The following LIPA variants were observed in gnomAD, a reference collection of about 807,000 sequenced individuals.
LIPA encodes lipase A, lysosomal acid type, also known as lysosomal acid lipase/cholesteryl ester hydrolase.
LIPA carries 26 observed loss-of-function variants against 40.6 expected under a neutral mutation model. That is an observed-to-expected ratio of 0.64 (90% CI 0.47 to 0.89). The LOEUF (loss-of-function observed/expected upper bound fraction) is 0.89, where lower values mean the gene tolerates loss of function less well. Among genes scored for constraint, LIPA ranks in the 40% least tolerant of loss-of-function variants. The pLI is 0.00. For synonymous variants in LIPA, 188 were observed against 168.4 expected (o/e 1.12, Z -0.90); for missense variants, 455 against 479.6 (o/e 0.95, Z 0.48).
rs2133489867 is a variant in LIPA, at chr10:89,266,508, T to C, written c.-1-18859A>G. On this transcript the variant is annotated intron_variant, in intron 1 of 5. Coordinates refer to the LIPA transcript ENST00000282673. ...TTACCTTCGGGCTATGTGTATAAGG[T>C]GTATATGAAACACATATGAATTTCA... 1.3e-5 allele frequency among the ~76,000 whole-genome samples: 2 copies of C among 152,330 alleles called. 1 individual carries two copies. Among genetic ancestry groups the C allele is most frequent in the South Asian group, 4.1e-4 (2 of 4,828 alleles).
intron 2 of LIPA, among the ~76,000 whole-genome samples, chr10:89,367,881 T>C (rs559640571): frequency 1.8e-4 from 27 of 152,198 alleles, no homozygotes; most frequent in Middle Eastern, 3.2e-3. Context: ...TGCAGTAGCA[T>C]GATCATAGCT....
rs1026540868 is a variant in LIPA, at chr10:89,402,673, G to A, written c.61+10118C>T. 1.7e-5 allele frequency: 27 copies of A among 1,614,052 alleles called. No individual in the cohort carries two copies. The highest frequency in any genetic ancestry group is 6.7e-5 in the Admixed American group (4 of 60,004). On this transcript the variant is annotated intron_variant, in intron 2 of 8. Transcript: ENST00000371837. ...TGCAAGAAGCTTTCAAATCCCTTCC[G>A]CTATAGAATGGAGTGTCCAGAAATA...
At chr10:89,225,878 C>T (rs2133430926) in intron 5 of LIPA, among the ~76,000 whole-genome samples, 1 of 152,160 alleles carries the variant, frequency 6.6e-6, no homozygotes, top group South Asian at 2.1e-4. Flanking sequence ...GGGGAAACTC[C>T]CTCACTTGGC....
At chr10:89,403,161 A>G (rs1484362092) in intron 2 of LIPA, 1 of 1,613,930 alleles carries the variant, frequency 6.2e-7, no homozygotes, top group East Asian at 2.2e-5. Context: ...GCTTTGCTAC[A>G]AGGCACAAAT....
intron 1 of LIPA, chr10:89,332,387 T>C: frequency 1.0e-6 from 1 of 982,122 alleles, no homozygotes; most frequent in Non-Finnish European, 1.4e-6. Context: ...TCCAAATCTG[T>C]CTGGAACATG....
chr10:89,215,089 C>G, intron 9 of LIPA, 28 bp from the exon 10 acceptor site: 1 of 1,498,436 alleles, frequency 6.7e-7, no homozygotes, highest in Non-Finnish European at 9.3e-7. Context: ...CAGAGAAAGC[C>G]TCGTTGTTGT....
upstream of LIPA, among the ~76,000 whole-genome samples, chr10:89,347,095 C>G (rs777284952): frequency 6.6e-6 from 1 of 152,224 alleles, no homozygotes; most frequent in Non-Finnish European, 1.5e-5. Context: ...AACATATGGT[C>G]ATACTCACAG....
intron 2 of LIPA, among the ~76,000 whole-genome samples, chr10:89,390,001 G>A (rs1844234600): frequency 1.1e-5 from 1 of 94,184 alleles, no homozygotes; most frequent in Non-Finnish European, 1.9e-5. Context: ...TTTTTTTTGA[G>A]ATGGAGTTTC....
intron 3 of LIPA, among the ~76,000 whole-genome samples, chr10:89,242,259 C>T (rs1006072201): frequency 6.6e-6 from 1 of 152,178 alleles, no homozygotes; most frequent in Non-Finnish European, 1.5e-5. Flanking sequence ...TGGTGGGAAA[C>T]AGCATGCACA....
intron 3 of LIPA, among the ~76,000 whole-genome samples, chr10:89,241,798 G>A (rs373805640): frequency 1.6e-4 from 24 of 152,188 alleles, no homozygotes; most frequent in African/African-American, 4.1e-4. Context: ...GCCACTCTTG[G>A]TGTGTGTATA....
intron 2 of LIPA, 37 bp downstream of exon 2, chr10:89,247,501 G>T (rs377199775): frequency 1.5e-5 from 19 of 1,227,694 alleles, no homozygotes; most frequent in Non-Finnish European, 2.2e-5. Context: ...CGGGGAAATA[G>T]ATGCATTTTA....
chr10:89,392,773 A>C, intron 2 of LIPA: 1 of 1,551,470 alleles, frequency 6.4e-7, no homozygotes, highest in Non-Finnish European at 8.9e-7. Context: ...AAAAATGGTA[A>C]TTAAATACTA....
upstream of LIPA, among the ~76,000 whole-genome samples, chr10:89,345,950 T>C (rs305371): frequency 0.63 from 95,518 of 152,034 alleles, 32,635 homozygotes; most frequent in East Asian, 0.94. Context: ...TACATGAATT[T>C]CACAAAAGAT....
At chr10:89,317,049 C>A (rs1251278401) in intron 1 of LIPA, among the ~76,000 whole-genome samples, 5 of 152,170 alleles carry the variant, frequency 3.3e-5, no homozygotes, top group Non-Finnish European at 7.4e-5. Context: ...ACACCAAAAC[C>A]CCATCTGTAT....
At chr10:89,330,157 G>C (rs1843635809) in intron 1 of LIPA, among the ~76,000 whole-genome samples, 1 of 152,222 alleles carries the variant, frequency 6.6e-6, no homozygotes, top group African/African-American at 2.4e-5. Context: ...TGATGGCTTA[G>C]CTTGGGCTCA....
In LIPA at chr10:89,238,984, T is replaced by C. The variant is rs918968432; in HGVS notation, c.229+6692A>G. 2.0e-5 allele frequency among the ~76,000 whole-genome samples: 3 copies of C among 152,180 alleles called. 1 individual carries two copies. Among genetic ancestry groups the C allele is most frequent in the South Asian group, 4.1e-4 (2 of 4,832 alleles). On this transcript the variant is annotated intron_variant, in intron 3 of 9. Transcript: ENST00000336233. ...AAATATTATTAGAACATAACCACTATGAAGAAGGATAGAGTGAAGTGGCAT... is the reference window on the plus strand; with the variant it reads ...AAATATTATTAGAACATAACCACTACGAAGAAGGATAGAGTGAAGTGGCAT...
chr10:89,244,544 T>C (rs903903753), intron 3 of LIPA, among the ~76,000 whole-genome samples: 1 of 152,150 alleles, frequency 6.6e-6, no homozygotes, highest in African/African-American at 2.4e-5. Context: ...ATTGCACCAT[T>C]GCATTCCAGC....
At chr10:89,331,507 A>G (rs1359221295) in intron 1 of LIPA, among the ~76,000 whole-genome samples, 1 of 152,092 alleles carries the variant, frequency 6.6e-6, no homozygotes, top group East Asian at 1.9e-4. Context: ...ATACAGATAT[A>G]CAATTTGATT....
intron 5 of LIPA, 25 bp from the exon 6 acceptor site, chr10:89,225,253 A>G: frequency 6.2e-7 from 1 of 1,613,946 alleles, no homozygotes; most frequent in Non-Finnish European, 8.5e-7. Flanking sequence ...GACAGAAAAC[A>G]GGAATTCCAT....
Sources: allele counts gnomAD v4.1 joint callset (sites outside exome capture counted in the v4.1 genomes callset), GRCh38; gene constraint gnomAD v4.1.1; transcripts MANE v1.5; gene names NCBI Gene and HGNC (gene_info 2026-07-23, HGNC 2026-07-21).